Variants in STK31 observed in about 807,000 individuals in gnomAD.
The protein encoded by STK31 is serine/threonine-protein kinase 31.
In STK31, 89 loss-of-function variants were observed where a neutral mutation model predicts 129.7. That is an observed-to-expected ratio of 0.69 (90% confidence interval 0.58 to 0.82). STK31 has a LOEUF of 0.82. Ranked by LOEUF, STK31 falls within the 40% of genes least tolerant of loss-of-function variation. The pLI is 0.00. For missense variants in STK31, 1,187 were observed against 1,176.4 expected (o/e 1.01, Z -0.13); for synonymous variants, 448 against 395.3 (o/e 1.13, Z -1.58).
chr7:23,782,124 T>TC (rs1375009768), intron 16 of STK31, among the ~76,000 whole-genome samples: 2 of 152,088 alleles, frequency 1.3e-5, no homozygotes, highest in Non-Finnish European at 2.9e-5. Context: ...AATATTGTAT[T>TC]TTATATCTGG....
intron 8 of STK31, among the ~76,000 whole-genome samples, chr7:23,744,076 T>C (rs1317469098): frequency 6.6e-6 from 1 of 151,886 alleles, no homozygotes; most frequent in Non-Finnish European, 1.5e-5. Flanking sequence ...CATGCCACCA[T>C]GCTGAGCTAA....
At chr7:23,738,280 C>CAG (rs1470942019) in intron 8 of STK31, among the ~76,000 whole-genome samples, 3 of 152,310 alleles carry the variant, frequency 2.0e-5, no homozygotes, top group Admixed American at 6.5e-5. Flanking sequence ...GCAGGAGGTA[C>CAG]AGAGCTTCCA....
In STK31 at chr7:23,716,052, C is replaced by T. The variant is rs558033725; in HGVS notation, c.151-1429C>T. Among the ~76,000 whole-genome samples, 109 of 152,136 alleles carry T rather than the reference C, an allele frequency of 7.2e-4. 1 individual carries two copies. Among genetic ancestry groups the T allele is most frequent in the African/African-American group, 2.3e-3 (94 of 41,516 alleles). ...ACAATGCTATTAACTAAACTACAGC[C>T]CTTATTTAAATTTTAGCAGTTTTTT... On this transcript the variant is annotated intron_variant, in intron 3 of 23. Coordinates refer to ENST00000355870, the MANE Select transcript of STK31 (RefSeq NM_031414.5).
intron 6 of STK31, among the ~76,000 whole-genome samples, chr7:23,730,879 T>TATA (rs1491380351): frequency 0.015 from 581 of 39,100 alleles, 2 homozygotes; most frequent in Middle Eastern, 0.026. Context: ...TATATATATA[T>TATA]TTTTTTTTTT....
At chr7:23,764,836 CAT>C (rs779247470) in intron 11 of STK31, among the ~76,000 whole-genome samples, 4 of 152,088 alleles carry the variant, frequency 2.6e-5, no homozygotes, top group Non-Finnish European at 4.4e-5. Context: ...CCCCATGACA[CAT>C]GTTTACCTAT....
chr7:23,751,445 C>A (rs772945343), intron 8 of STK31, among the ~76,000 whole-genome samples: 1 of 152,124 alleles, frequency 6.6e-6, no homozygotes, highest in Non-Finnish European at 1.5e-5. Flanking sequence ...TGGTTTCAGT[C>A]CTTTTAAGTT....
chr7:23,737,860 AGTGTGTGTGTGTGTGTGTGT>A (rs67303802), intron 8 of STK31, among the ~76,000 whole-genome samples: 2 of 149,148 alleles, frequency 1.3e-5, no homozygotes, highest in African/African-American at 5.0e-5. Context: ...GTGGTTGATA[AGTGTGTGTGTGTGTGTGTGT>A]GTGTGTGTGT....
At chr7:23,742,655 T>C (rs1024285012) in intron 8 of STK31, among the ~76,000 whole-genome samples, 2 of 152,212 alleles carry the variant, frequency 1.3e-5, no homozygotes, top group Non-Finnish European at 2.9e-5. Context: ...CTTTCCCAGC[T>C]CTCAGCTGGT....
At chr7:23,821,194 C>A (rs898750284) in intron 23 of STK31, among the ~76,000 whole-genome samples, 8 of 152,010 alleles carry the variant, frequency 5.3e-5, no homozygotes, top group African/African-American at 1.9e-4. Flanking sequence ...ATGATAGTTC[C>A]ATTTTTAGTT....
chr7:23,742,920 T>C (rs1167664551), intron 8 of STK31, among the ~76,000 whole-genome samples: 2 of 151,704 alleles, frequency 1.3e-5, no homozygotes, highest in East Asian at 1.9e-4. Context: ...CTTGTTTTAC[T>C]TGTGTGTTTG....
chr7:23,712,074 A>C (rs148807478), intron 1 of STK31, 25 bp from the exon 2 acceptor site: 39 of 1,555,546 alleles, frequency 2.5e-5, no homozygotes, highest in Non-Finnish European at 3.2e-5. Flanking sequence ...GGATTATTGT[A>C]ATCTAATTTA....
chr7:23,785,569 G>A lies in STK31; in HGVS notation c.2240G>A (p.Arg747His), dbSNP rs1429231167. Residue 747 changes from arginine (R) to histidine (H), a missense_variant, in exon 18 of 24, where the codon CGT (arginine) becomes CAT (histidine). Arg to His is a conservative substitution (Grantham distance 29). Around this residue, in one of 5 missense-constraint regions of STK31, gnomAD observed 975 missense variants for 934.9 expected, o/e 1.04. Transcript: ENST00000355870. The stretch of plus-strand genomic sequence containing the variant: ...CTTAGCAGCAAGCGTCCTTTGGTAC[G>A]TTCTGAGGTTAATGGGCAGATAATT... ...KELSSKRPLVRSEVNGQIILL... is the reference protein window; with the variant it reads ...KELSSKRPLVHSEVNGQIILL... 8.1e-6 allele frequency: 13 copies of A among 1,613,742 alleles called. No individual in the cohort carries two copies. Among genetic ancestry groups the A allele is most frequent in the East Asian group, 4.5e-5 (2 of 44,870 alleles).
chr7:23,832,182 G>A lies in STK31; in HGVS notation c.2876G>A (p.Ser959Asn), dbSNP rs903498798. ...SLLCSLICYR[S>N]SMTAEQVLNA... is the part of the protein sequence containing the mutation. ...CTCTGTAGCTTGATATGTTATAGAA[G>A]TTCAATGACTGCTGAACAAGTTTTA... Residue 959 changes from serine (S) to asparagine (N), a missense_variant, in exon 24 of 24, where the codon AGT becomes AAT. Around this residue, in one of 5 missense-constraint regions of STK31, gnomAD observed 975 missense variants for 934.9 expected, o/e 1.04. Coordinates refer to ENST00000355870, the MANE Select transcript of STK31 (RefSeq NM_031414.5). 4.3e-6 allele frequency: 7 copies of A among 1,614,084 alleles called. No individual in the cohort carries two copies. Among genetic ancestry groups the A allele is most frequent in the African/African-American group, 1.3e-5 (1 of 75,006 alleles).
intron 16 of STK31, among the ~76,000 whole-genome samples, chr7:23,782,717 A>G (rs1403174175): frequency 6.6e-6 from 1 of 152,140 alleles, no homozygotes; most frequent in Non-Finnish European, 1.5e-5. Flanking sequence ...TTTCAAAGTT[A>G]CTTATGTAGA....
intron 15 of STK31, among the ~76,000 whole-genome samples, chr7:23,777,220 G>A (rs914561691): frequency 1.3e-5 from 2 of 152,118 alleles, no homozygotes; most frequent in African/African-American, 4.8e-5. Flanking sequence ...TTTTCCATTT[G>A]CCAGGAAGTG....
At chr7:23,793,712 ATAAAAT>A (rs1791780378) in intron 22 of STK31, among the ~76,000 whole-genome samples, 1 of 152,208 alleles carries the variant, frequency 6.6e-6, no homozygotes, top group Non-Finnish European at 1.5e-5. Flanking sequence ...ACTATAATGT[ATAAAAT>A]TAAAAAGATC....
At chr7:23,735,140 T>C (rs575668939) in intron 6 of STK31, among the ~76,000 whole-genome samples, 1 of 152,280 alleles carries the variant, frequency 6.6e-6, no homozygotes, top group East Asian at 1.9e-4. Flanking sequence ...TCTAAAACTT[T>C]CAAAGTTTTG....
intron 15 of STK31, among the ~76,000 whole-genome samples, chr7:23,775,564 C>T (rs1315838689): frequency 6.6e-6 from 1 of 152,076 alleles, no homozygotes; most frequent in East Asian, 1.9e-4. Context: ...TAGCTGTATT[C>T]CTAGATACCT....
At chr7:23,783,898 T>A (rs1277807475) in intron 17 of STK31, among the ~76,000 whole-genome samples, 1 of 152,230 alleles carries the variant, frequency 6.6e-6, no homozygotes, top group Non-Finnish European at 1.5e-5. Context: ...CCTCATTCAG[T>A]ACATTGCATG....
Sources: gnomAD v4.1 joint callset for allele counts (sites outside exome capture counted in the v4.1 genomes callset) on GRCh38, gnomAD v4.1.1 for gene constraint, gnomAD v4.1.1 regional missense constraint, MANE v1.5 for transcripts, NCBI Gene and HGNC (gene_info 2026-07-23, HGNC 2026-07-21) for gene names.